The following PTPRS variants were observed in gnomAD, a reference collection of about 807,000 sequenced individuals.
The protein encoded by PTPRS is receptor-type tyrosine-protein phosphatase S.
Under a neutral mutation model 215.3 loss-of-function variants are expected in PTPRS, and 63 were observed. The observed-to-expected ratio is 0.29, with a 90% CI of 0.24 to 0.36. The LOEUF (loss-of-function observed/expected upper bound fraction) is 0.36, where lower values mean the gene tolerates loss of function less well. PTPRS is among the 10% of genes least tolerant of loss of function. PTPRS has a pLI of 1.00. For synonymous variants in PTPRS, 1,404 were observed against 1,191.4 expected (o/e 1.18, Z -3.68); for missense variants, 2,258 against 2,825.8 (o/e 0.80, Z 4.56).
intron 1 of PTPRS, among the ~76,000 whole-genome samples, chr19:5,326,434 T>A (rs1273229550): frequency 6.6e-6 from 1 of 152,196 alleles, no homozygotes; most frequent in South Asian, 2.1e-4. Context: ...ATTTTTAAGG[T>A]TGTACCTTCA....
In PTPRS at chr19:5,295,630, T is replaced by C. The variant is rs1008916966; in HGVS notation, c.-94-9396A>G. 6.6e-6 allele frequency among the ~76,000 whole-genome samples: 1 copy of C among 151,920 alleles called. No homozygotes were observed. Among genetic ancestry groups the C allele is most frequent in the Non-Finnish European group, 1.5e-5 (1 of 67,970 alleles). On this transcript the variant is annotated intron_variant, in intron 1 of 37. Transcript: ENST00000262963. The surrounding 1 kb of genome is among the most constrained non-coding windows in gnomAD (Gnocchi z 4.6). ...GCACAGGTCCACAGTACAAAGGAGG[T>C]TCTCAGCAAACATTTGCACAATCAG...
intron 37 of PTPRS, among the ~76,000 whole-genome samples, chr19:5,207,289 T>TG (rs1213879132): frequency 3.3e-5 from 5 of 152,256 alleles, no homozygotes; most frequent in Non-Finnish European, 5.9e-5. Context: ...TTCGCCATGT[T>TG]GGCCAGGCTG....
At chr19:5,326,554 C>CTCGTGCCTGTAA (rs1458191053) in intron 1 of PTPRS, among the ~76,000 whole-genome samples, 4 of 152,002 alleles carry the variant, frequency 2.6e-5, no homozygotes, top group Admixed American at 6.6e-5. Flanking sequence ...GGCACGGTGG[C>CTCGTGCCTGTAA]TCGTGCCTGT....
Position 5,339,778 on chromosome 19 carries a change from G to A in PTPRS, c.-95+886C>T, listed in dbSNP as rs1460244554. On this transcript the variant is annotated intron_variant, in intron 1 of 37. Transcript: ENST00000262963. This position sits in a 1 kb window ranked among gnomAD's most constrained non-coding sequence, Gnocchi z 4.2. Reference sequence around the variant, plus strand: ...CTCCCCTCCCCCCGCAGCCCCCGGGGGCTCCCGGGGCGTGCGGAACCCGCG... The same window carrying A: ...CTCCCCTCCCCCCGCAGCCCCCGGGAGCTCCCGGGGCGTGCGGAACCCGCG... 2.6e-5 allele frequency among the ~76,000 whole-genome samples: 4 copies of A among 151,696 alleles called. No individual in the cohort carries two copies. Among genetic ancestry groups the A allele is most frequent in the Non-Finnish European group, 5.9e-5 (4 of 67,822 alleles).
chr19:5,302,177 A>G (rs1360110797), intron 1 of PTPRS, among the ~76,000 whole-genome samples: 2 of 152,114 alleles, frequency 1.3e-5, no homozygotes, highest in African/African-American at 4.8e-5. Flanking sequence ...CAACCTGGGC[A>G]ACAAAGAGAG....
At chr19:5,325,263 G>A (rs987027029) in intron 1 of PTPRS, among the ~76,000 whole-genome samples, 5 of 152,248 alleles carry the variant, frequency 3.3e-5, no homozygotes, top group South Asian at 4.1e-4. Context: ...GCTTATTTAC[G>A]CCATGGGTCA....
rs1025692097 is a variant in PTPRS, at chr19:5,237,587, G to A, written c.1849+1332C>T. ...GTGGTTTGGGAGAGTTTCTGGGGCC[G>A]AATTCGGGCCGTGGACTGTCCGTTC... On this transcript the variant is annotated intron_variant, in intron 13 of 37. Transcript: ENST00000262963. The surrounding 1 kb of genome is among the most constrained non-coding windows in gnomAD (Gnocchi z 4.2). Among the ~76,000 whole-genome samples, 8 of 152,198 alleles carry A rather than the reference G, an allele frequency of 5.3e-5. No homozygotes were observed. Among genetic ancestry groups the A allele is most frequent in the South Asian group, 4.1e-4 (2 of 4,834 alleles).
intron 24 of PTPRS, 106 bp from the exon 25 acceptor site, chr19:5,218,638 G>GT: frequency 6.6e-7 from 1 of 1,506,434 alleles, no homozygotes; most frequent in Non-Finnish European, 9.2e-7. Flanking sequence ...CCATGGACCC[G>GT]TATGACTAGG....
At position 5,223,179 on chromosome 19, in the gene PTPRS, G is replaced by A; in HGVS notation, c.2613C>T (p.Gly871=). The change falls in exon 18 of 38, where the codon GGC becomes GGT. Residue 871 remains glycine (G), a synonymous_variant. Coordinates refer to ENST00000262963, the MANE Select transcript of PTPRS (RefSeq NM_002850.4). The part of the protein sequence containing the change: ...DQVLGYRLQF[G]REDSTPLATL... Reference sequence around the variant, plus strand: ...TGGCCAGGGGCGTCGAGTCCTCACGGCCAAACTGCAGGCGGTAGCCCAGCA... The same window carrying A: ...TGGCCAGGGGCGTCGAGTCCTCACGACCAAACTGCAGGCGGTAGCCCAGCA... The A allele has an allele frequency of 6.4e-7, 1 of 1,560,608 alleles. No homozygotes were observed. Among genetic ancestry groups the A allele is most frequent in the Admixed American group, 1.9e-5 (1 of 53,800 alleles).
chr19:5,319,429 T>C (rs1170536229), intron 1 of PTPRS, among the ~76,000 whole-genome samples: 8 of 142,384 alleles, frequency 5.6e-5, no homozygotes, highest in Non-Finnish European at 1.1e-4. Context: ...TTTTTTTTTT[T>C]TTTTAAAAAG....
In PTPRS at chr19:5,295,016, C is replaced by G. The variant is rs1490259187; in HGVS notation, c.-94-8782G>C. On this transcript the variant is annotated intron_variant, in intron 1 of 37. Coordinates refer to ENST00000262963, the MANE Select transcript of PTPRS (RefSeq NM_002850.4). This position sits in a 1 kb window ranked among gnomAD's most constrained non-coding sequence, Gnocchi z 4.6. ...GTGTCAATGTAGGCGTAGGAGCAACCAGCGTGACCTCCCCAACTTGGCTGG... is the reference window on the plus strand; with the variant it reads ...GTGTCAATGTAGGCGTAGGAGCAACGAGCGTGACCTCCCCAACTTGGCTGG... Among the ~76,000 whole-genome samples, 1 of 152,192 alleles carries G rather than the reference C, an allele frequency of 6.6e-6. No individual in the cohort carries two copies. Among genetic ancestry groups the G allele is most frequent in the Non-Finnish European group, 1.5e-5 (1 of 68,038 alleles).
chr19:5,255,128 GC>G (rs1300489739), intron 9 of PTPRS, among the ~76,000 whole-genome samples: 1 of 152,220 alleles, frequency 6.6e-6, no homozygotes, highest in Admixed American at 6.5e-5. Flanking sequence ...ATGGGAACAT[GC>G]CTGCTTAAGC....
At chr19:5,312,373 C>A (rs1161947927) in intron 1 of PTPRS, among the ~76,000 whole-genome samples, 2 of 152,134 alleles carry the variant, frequency 1.3e-5, no homozygotes, top group African/African-American at 2.4e-5. Flanking sequence ...ATAATAATAG[C>A]AGCAGGGCCA....
Position 5,223,164 on chromosome 19 carries a change from C to T in PTPRS, c.2628G>A (p.Thr876=). 1.9e-6 allele frequency: 3 copies of T among 1,567,652 alleles called. No homozygotes were observed. The highest frequency in any genetic ancestry group is 2.6e-6 in the Non-Finnish European group (3 of 1,156,854). Residue 876 remains threonine (T), a synonymous_variant, in exon 18 of 38, where the codon ACG becomes ACA. Transcript: ENST00000262963. ...GCGGGAACTCCAGGGTGGCCAGGGGCGTCGAGTCCTCACGGCCAAACTGCA... is the reference window on the plus strand; with the variant it reads ...GCGGGAACTCCAGGGTGGCCAGGGGTGTCGAGTCCTCACGGCCAAACTGCA... ...YRLQFGREDS[T]PLATLEFPPS... is the part of the protein sequence containing the mutation.
At chr19:5,234,004 G>C (rs929163825) in intron 13 of PTPRS, among the ~76,000 whole-genome samples, 18 of 133,060 alleles carry the variant, frequency 1.4e-4, no homozygotes, top group East Asian at 2.5e-4. Flanking sequence ...TATGTGCCAG[G>C]CAACAGCAAT....
At chr19:5,309,808 C>T (rs1462253274) in intron 1 of PTPRS, among the ~76,000 whole-genome samples, 2 of 152,120 alleles carry the variant, frequency 1.3e-5, no homozygotes, top group East Asian at 3.9e-4. Flanking sequence ...TGGTCCACCC[C>T]CATCATCCCT....
rs575947583 is a variant in PTPRS, at chr19:5,295,153, A to C, written c.-94-8919T>G. Among the ~76,000 whole-genome samples the C allele has an allele frequency of 5.4e-4, 82 of 152,312 alleles. No individual in the cohort carries two copies. Among genetic ancestry groups the C allele is most frequent in the African/African-American group, 1.5e-3 (61 of 41,560 alleles). On this transcript the variant is annotated intron_variant, in intron 1 of 37. Transcript: ENST00000262963. The surrounding 1 kb of genome is among the most constrained non-coding windows in gnomAD (Gnocchi z 4.6). ...CCAGGGATGCCCCGTGTGTCAAGAA[A>C]GCACCCGTACCTCTCGGGCCGACAG...
rs1253160346 is a variant in PTPRS, at chr19:5,287,972, A to G, written c.-94-1738T>C. On this transcript the variant is annotated intron_variant, in intron 1 of 37. Coordinates refer to ENST00000262963, the MANE Select transcript of PTPRS (RefSeq NM_002850.4). The surrounding 1 kb of genome is among the most constrained non-coding windows in gnomAD (Gnocchi z 4.8). ...TCAGGCAGCAGAGACGGGCACACAC[A>G]CACACACACACACACACACACACAC... 1.5e-4 allele frequency among the ~76,000 whole-genome samples: 12 copies of G among 81,812 alleles called. No homozygotes were observed. The highest frequency in any genetic ancestry group is 1.3e-3 in the East Asian group (6 of 4,632). 53.7% of individuals were successfully genotyped at this position (81,812 alleles called of 152,430 possible). A position where few individuals can be genotyped will look rare whatever the true frequency, so the allele number is the denominator to read the frequency against.
chr19:5,302,748 A>G (rs1453348870), intron 1 of PTPRS, among the ~76,000 whole-genome samples: 2 of 152,080 alleles, frequency 1.3e-5, no homozygotes. Flanking sequence ...GCCTAGGGGT[A>G]CGTTCCTGAC....
Sources: allele counts gnomAD v4.1 joint callset (sites outside exome capture counted in the v4.1 genomes callset), GRCh38; gene constraint gnomAD v4.1.1; non-coding constraint Gnocchi (gnomAD v3.1); transcripts MANE v1.5; gene names NCBI Gene and HGNC (gene_info 2026-07-23, HGNC 2026-07-21).